The following LDLRAD3 variants were observed in gnomAD, a reference collection of about 807,000 sequenced individuals.
LDLRAD3 encodes low density lipoprotein receptor class A domain containing 3.
Under a neutral mutation model 29.4 loss-of-function variants are expected in LDLRAD3, and 20 were observed. The observed-to-expected ratio is 0.68, with a 90% CI of 0.48 to 0.99. The LOEUF (loss-of-function observed/expected upper bound fraction) is 0.99, where lower values mean the gene tolerates loss of function less well. LDLRAD3 is among the 50% of genes least tolerant of loss of function. The pLI, the probability that LDLRAD3 is intolerant of heterozygous loss-of-function variation, is 0.00. For synonymous variants in LDLRAD3, 157 were observed against 192.7 expected, an observed-to-expected ratio of 0.81 and a Z score of 1.53; for missense variants, 420 against 454.3, an observed-to-expected ratio of 0.92 and a Z score of 0.69.
At chr11:36,073,999 T>C (rs1276929973) in intron 2 of LDLRAD3, among the ~76,000 whole-genome samples, 1 of 152,192 alleles carries the variant, frequency 6.6e-6, no homozygotes, top group East Asian at 1.9e-4. Flanking sequence ...AAATGTTTTT[T>C]TTGTGTGTGT....
At chr11:35,976,832 T>C (rs531204707) in intron 1 of LDLRAD3, among the ~76,000 whole-genome samples, 1 of 152,174 alleles carries the variant, frequency 6.6e-6, no homozygotes, top group South Asian at 2.1e-4. Context: ...TGGACGGTGA[T>C]TTAAGGTGTG....
chr11:36,198,940 G>A (rs912510110), intron 4 of LDLRAD3, among the ~76,000 whole-genome samples: 2 of 151,724 alleles, frequency 1.3e-5, no homozygotes, highest in African/African-American at 2.4e-5. Context: ...TCACTCTGTC[G>A]CCCAGGCTGG....
intron 4 of LDLRAD3, among the ~76,000 whole-genome samples, chr11:36,207,704 G>A (rs1218072858): frequency 6.6e-6 from 1 of 151,976 alleles, no homozygotes; most frequent in Non-Finnish European, 1.5e-5. Context: ...TGAGAAATAA[G>A]TCCAACCACA....
chr11:36,060,353 CAA>C (rs60557347), intron 2 of LDLRAD3, among the ~76,000 whole-genome samples: 294 of 73,562 alleles, frequency 4.0e-3, no homozygotes, highest in African/African-American at 0.013. Context: ...GACTCTGTCT[CAA>C]AAAAAAAAAA....
At chr11:36,112,163 G>T (rs1193383846) in intron 4 of LDLRAD3, among the ~76,000 whole-genome samples, 1 of 152,258 alleles carries the variant, frequency 6.6e-6, no homozygotes, top group East Asian at 1.9e-4. Context: ...CCTTTTTAAT[G>T]CAGGCTTGTT....
At chr11:36,038,018 C>T (rs1485819423) in intron 2 of LDLRAD3, among the ~76,000 whole-genome samples, 1 of 152,110 alleles carries the variant, frequency 6.6e-6, no homozygotes, top group Non-Finnish European at 1.5e-5. Flanking sequence ...CACTTTGATC[C>T]CCCTAGTAGC....
At chr11:36,002,466 C>T (rs1203061452) in intron 1 of LDLRAD3, among the ~76,000 whole-genome samples, 1 of 152,222 alleles carries the variant, frequency 6.6e-6, no homozygotes, top group East Asian at 1.9e-4. Context: ...TGATTCTGTT[C>T]CTGTGACTGT....
chr11:36,089,775 C>CT (rs113433655), intron 3 of LDLRAD3, among the ~76,000 whole-genome samples: 6,988 of 138,174 alleles, frequency 0.051, 400 homozygotes, highest in African/African-American at 0.14. Context: ...AATTTTTAAA[C>CT]TTTTTTTTTT....
intron 1 of LDLRAD3, among the ~76,000 whole-genome samples, chr11:36,006,207 C>G (rs966374181): frequency 8.5e-5 from 13 of 152,124 alleles, no homozygotes; most frequent in Admixed American, 2.6e-4. Context: ...TCTTTTCTCC[C>G]TAAATTATGT....
chr11:35,954,066 C>T (rs574548854), intron 1 of LDLRAD3, among the ~76,000 whole-genome samples: 10 of 152,130 alleles, frequency 6.6e-5, no homozygotes, highest in East Asian at 5.8e-4. Context: ...CAATAAACAT[C>T]GGTGGATCCT....
chr11:36,011,163 A>G (rs2133187977), intron 1 of LDLRAD3, among the ~76,000 whole-genome samples: 1 of 152,332 alleles, frequency 6.6e-6, no homozygotes, highest in African/African-American at 2.4e-5. Context: ...TATGACTTCC[A>G]ACTTTTATAA....
intron 4 of LDLRAD3, among the ~76,000 whole-genome samples, chr11:36,215,012 A>G (rs1447553233): frequency 6.6e-6 from 1 of 152,228 alleles, no homozygotes; most frequent in Non-Finnish European, 1.5e-5. Flanking sequence ...AGGCAGTAAC[A>G]GTGCTGTGAA....
intron 4 of LDLRAD3, among the ~76,000 whole-genome samples, chr11:36,164,015 C>T (rs1854481025): frequency 6.6e-6 from 1 of 152,120 alleles, no homozygotes; most frequent in Non-Finnish European, 1.5e-5. Flanking sequence ...CTAGAGCTTC[C>T]AGTGGGAAGA....
At chr11:36,064,920 G>T (rs1198649504) in intron 2 of LDLRAD3, among the ~76,000 whole-genome samples, 6 of 152,048 alleles carry the variant, frequency 3.9e-5, no homozygotes, top group African/African-American at 9.7e-5. Context: ...CTGTATTGAG[G>T]TTTGTTTTAT....
At position 36,005,772 on chromosome 11, in the gene LDLRAD3, C is replaced by G. The variant is rs116056429; in HGVS notation, c.47-30331C>G. Reference sequence around the variant, plus strand: ...TTTACTCTCAATTCTGCAAGCTTAACAAGAAGCATGACTAGGAGGCCTCAG... The same window carrying G: ...TTTACTCTCAATTCTGCAAGCTTAAGAAGAAGCATGACTAGGAGGCCTCAG... On this transcript the variant is annotated intron_variant, in intron 1 of 5. Coordinates refer to ENST00000315571, the MANE Select transcript of LDLRAD3 (RefSeq NM_174902.4). Among the ~76,000 whole-genome samples, 1,522 of 152,240 alleles carry G rather than the reference C, an allele frequency of 1.0e-2. 14 individuals are homozygous for G. The highest frequency in any genetic ancestry group is 0.02 in the African/African-American group (848 of 41,524).
At chr11:36,012,641 G>A (rs949016069) in intron 1 of LDLRAD3, among the ~76,000 whole-genome samples, 3 of 152,114 alleles carry the variant, frequency 2.0e-5, no homozygotes, top group Non-Finnish European at 4.4e-5. Context: ...TGGACAAAGG[G>A]AAGATTCATA....
At chr11:35,992,382 C>T (rs911311030) in intron 1 of LDLRAD3, among the ~76,000 whole-genome samples, 1 of 152,202 alleles carries the variant, frequency 6.6e-6, no homozygotes, top group African/African-American at 2.4e-5. Context: ...TGTCCACACA[C>T]AAATTTGTGT....
At chr11:36,155,131 A>G (rs12270149) in intron 4 of LDLRAD3, among the ~76,000 whole-genome samples, 2 of 152,336 alleles carry the variant, frequency 1.3e-5, no homozygotes, top group Middle Eastern at 3.4e-3. Context: ...GAATTAATCA[A>G]TGGCTGACAG....
At chr11:36,123,523 C>A (rs1308982748) in intron 4 of LDLRAD3, among the ~76,000 whole-genome samples, 1 of 152,244 alleles carries the variant, frequency 6.6e-6, no homozygotes, top group Non-Finnish European at 1.5e-5. Flanking sequence ...CCATTGACCC[C>A]AAGGTAAGTC....
Sources: gnomAD v4.1 joint callset for allele counts (sites outside exome capture counted in the v4.1 genomes callset) on GRCh38, gnomAD v4.1.1 for gene constraint, MANE v1.5 for transcripts, NCBI Gene and HGNC (gene_info 2026-07-23, HGNC 2026-07-21) for gene names.